Variants in NCAM1 observed in about 807,000 individuals in gnomAD.
NCAM1 encodes antigen recognized by monoclonal antibody 5.1H11.
NCAM1 carries 14 observed loss-of-function variants against 109.8 expected under a neutral mutation model. The observed-to-expected ratio is 0.13, with a 90% CI of 0.08 to 0.20. The LOEUF (loss-of-function observed/expected upper bound fraction) is 0.20, where lower values mean the gene tolerates loss of function less well. Among genes scored for constraint, NCAM1 ranks in the 10% least tolerant of loss-of-function variants. The pLI, the probability that NCAM1 is intolerant of heterozygous loss-of-function variation, is 1.00. For missense variants in NCAM1, 774 were observed against 1,109.9 expected, an observed-to-expected ratio of 0.70 and a Z score of 4.30; for synonymous variants, 418 against 442.9, an observed-to-expected ratio of 0.94 and a Z score of 0.70.
intron 1 of NCAM1, among the ~76,000 whole-genome samples, chr11:113,033,030 T>A (rs1419442188): frequency 6.6e-6 from 1 of 152,238 alleles, no homozygotes; most frequent in Non-Finnish European, 1.5e-5. Context: ...ACTCTTACTT[T>A]TGAGGTAATT....
At chr11:113,054,292 T>G (rs1228461626) in intron 1 of NCAM1, among the ~76,000 whole-genome samples, 1 of 152,210 alleles carries the variant, frequency 6.6e-6, no homozygotes, top group Non-Finnish European at 1.5e-5. Context: ...ATGTTCTTTT[T>G]AAAATTCCTG....
intron 17 of NCAM1, among the ~76,000 whole-genome samples, chr11:113,268,158 G>A (rs1946178593): frequency 6.6e-6 from 1 of 152,234 alleles, no homozygotes; most frequent in African/African-American, 2.4e-5. Flanking sequence ...AGACCAAGAA[G>A]GCCTGTGTCT....
At chr11:113,263,246 T>TGCATATC (rs1946058111) in intron 17 of NCAM1, 2 of 1,051,420 alleles carry the variant, frequency 1.9e-6, no homozygotes, top group South Asian at 7.4e-5. Context: ...CTGCTACTTG[T>TGCATATC]TGCATTTTGG....
intron 1 of NCAM1, among the ~76,000 whole-genome samples, chr11:113,131,585 G>C (rs916538516): frequency 1.3e-5 from 2 of 152,234 alleles, no homozygotes; most frequent in African/African-American, 4.8e-5. Context: ...TGAAGCCTCA[G>C]ACCTCAGTGG....
chr11:113,056,024 T>TAA (rs1299962712), intron 1 of NCAM1, among the ~76,000 whole-genome samples: 3 of 108,140 alleles, frequency 2.8e-5, no homozygotes, highest in African/African-American at 7.2e-5. Flanking sequence ...TATATATATA[T>TAA]AAAATATATA....
intron 1 of NCAM1, among the ~76,000 whole-genome samples, chr11:113,031,557 T>C (rs1180612043): frequency 6.6e-6 from 1 of 152,040 alleles, no homozygotes; most frequent in Non-Finnish European, 1.5e-5. Flanking sequence ...CCGGGCGTGG[T>C]GGCAGGCTCC....
intron 1 of NCAM1, among the ~76,000 whole-genome samples, chr11:113,161,409 C>A (rs559197078): frequency 2.0e-5 from 3 of 152,178 alleles, no homozygotes; most frequent in Admixed American, 2.0e-4. Context: ...CCTGTGCCCC[C>A]GAAAGAGTTC....
At chr11:113,106,847 GC>G (rs1940196339) in intron 1 of NCAM1, among the ~76,000 whole-genome samples, 1 of 152,178 alleles carries the variant, frequency 6.6e-6, no homozygotes, top group Non-Finnish European at 1.5e-5. Flanking sequence ...TTCTAAAAAA[GC>G]CCAGAGAGAA....
intron 1 of NCAM1, among the ~76,000 whole-genome samples, chr11:113,183,317 G>A (rs1385672266): frequency 6.6e-6 from 1 of 152,168 alleles, no homozygotes; most frequent in Non-Finnish European, 1.5e-5. Flanking sequence ...GTGCACAGCA[G>A]GCCTCTTTCT....
intron 1 of NCAM1, among the ~76,000 whole-genome samples, chr11:113,115,555 G>A (rs764371973): frequency 6.6e-6 from 1 of 152,126 alleles, no homozygotes; most frequent in Non-Finnish European, 1.5e-5. Flanking sequence ...TAAGGGACAC[G>A]GTGACCAGAA....
chr11:112,988,168 A>G (rs1951358622), intron 1 of NCAM1, among the ~76,000 whole-genome samples: 1 of 152,114 alleles, frequency 6.6e-6, no homozygotes, highest in Non-Finnish European at 1.5e-5. Flanking sequence ...AAACCTCTAC[A>G]CTTTTATGCC....
intron 14 of NCAM1, among the ~76,000 whole-genome samples, chr11:113,238,769 T>C (rs1292691835): frequency 2.6e-5 from 4 of 152,192 alleles, no homozygotes; most frequent in South Asian, 2.1e-4. Context: ...CCCTGTCCTG[T>C]AATACTGTTG....
chr11:113,012,479 G>C (rs1355324152), intron 1 of NCAM1, among the ~76,000 whole-genome samples: 3 of 152,164 alleles, frequency 2.0e-5, no homozygotes, highest in African/African-American at 7.2e-5. Context: ...CCACAAACCA[G>C]GGACCTTCAA....
At chr11:113,175,971 C>A (rs1383122195) in intron 1 of NCAM1, among the ~76,000 whole-genome samples, 1 of 152,126 alleles carries the variant, frequency 6.6e-6, no homozygotes, top group Non-Finnish European at 1.5e-5. Context: ...TGTATGAAAT[C>A]ATCGCATGTA....
At chr11:113,056,739 C>G (rs1216813164) in intron 1 of NCAM1, among the ~76,000 whole-genome samples, 1 of 152,134 alleles carries the variant, frequency 6.6e-6, no homozygotes, top group Non-Finnish European at 1.5e-5. Flanking sequence ...CTGGCCAACA[C>G]CTTAATGGCA....
intron 1 of NCAM1, among the ~76,000 whole-genome samples, chr11:113,103,829 G>T (rs1939997377): frequency 6.6e-6 from 1 of 152,122 alleles, no homozygotes; most frequent in African/African-American, 2.4e-5. Flanking sequence ...AGGGGCAGGG[G>T]TGTGTTCCAA....
chr11:113,232,431 T>G (rs191431075), intron 11 of NCAM1, 77 bp downstream of exon 11: 5 of 1,393,294 alleles, frequency 3.6e-6, no homozygotes, highest in East Asian at 2.3e-5. Context: ...GCAGCTCAAG[T>G]CCTCTCTCCT....
At chr11:113,031,457 C>T (rs910298841) in intron 1 of NCAM1, among the ~76,000 whole-genome samples, 1 of 152,054 alleles carries the variant, frequency 6.6e-6, no homozygotes, top group Non-Finnish European at 1.5e-5. Flanking sequence ...TTTGGGAGGC[C>T]GAGGCGGGCA....
chr11:113,127,398 A>G (rs1166879920), intron 1 of NCAM1, among the ~76,000 whole-genome samples: 10 of 152,326 alleles, frequency 6.6e-5, no homozygotes, highest in African/African-American at 2.2e-4. Flanking sequence ...TTCAGGAGTT[A>G]CCAGTGCTTT....
Sources: gnomAD v4.1 joint callset for allele counts (sites outside exome capture counted in the v4.1 genomes callset) on GRCh38, gnomAD v4.1.1 for gene constraint, MANE v1.5 for transcripts, NCBI Gene and HGNC (gene_info 2026-07-23, HGNC 2026-07-21) for gene names.